GPC6: variants seen among roughly 807,000 people sequenced by gnomAD.
GPC6 encodes the protein glypican 6.
In GPC6, 14 loss-of-function variants were observed where a neutral mutation model predicts 55.2. The ratio of observed to expected loss-of-function variants is 0.25; its 90% CI spans 0.17 to 0.40. The LOEUF (loss-of-function observed/expected upper bound fraction) is 0.40, where lower values mean the gene tolerates loss of function less well. Among genes scored for constraint, GPC6 ranks in the 10% least tolerant of loss-of-function variants. The pLI is 1.00. For missense variants in GPC6, 641 were observed against 708.5 expected (o/e 0.90, Z 1.08); for synonymous variants, 278 against 259.6 (o/e 1.07, Z -0.68).
At chr13:93,641,114 T>A (rs1879915612) in intron 2 of GPC6, among the ~76,000 whole-genome samples, 1 of 151,996 alleles carries the variant, frequency 6.6e-6, no homozygotes, top group Non-Finnish European at 1.5e-5. Context: ...TTATACATAC[T>A]TACACAAAAA....
chr13:93,437,265 T>G (rs1020713472), intron 1 of GPC6, among the ~76,000 whole-genome samples: 9 of 152,176 alleles, frequency 5.9e-5, no homozygotes, highest in African/African-American at 1.9e-4. Flanking sequence ...TACAGTGGCT[T>G]CTCAGTGTTC....
At chr13:93,955,243 GCACA>G (rs10524254) in intron 3 of GPC6, among the ~76,000 whole-genome samples, 12,413 of 136,010 alleles carry the variant, frequency 0.091, 600 homozygotes, top group South Asian at 0.16. Flanking sequence ...GAATGAACAT[GCACA>G]CACACACACA....
At chr13:93,762,710 C>T (rs1252006064) in intron 2 of GPC6, among the ~76,000 whole-genome samples, 1 of 152,176 alleles carries the variant, frequency 6.6e-6, no homozygotes, top group Admixed American at 6.5e-5. Context: ...AATGACCTAA[C>T]CAGCCTTTAT....
intron 1 of GPC6, among the ~76,000 whole-genome samples, chr13:93,413,300 A>T (rs1300633897): frequency 2.6e-5 from 4 of 152,172 alleles, no homozygotes; most frequent in African/African-American, 4.8e-5. Flanking sequence ...GATAGGAGTG[A>T]TTATTGCAGG....
chr13:94,203,725 T>C (rs1889823327), intron 4 of GPC6, among the ~76,000 whole-genome samples: 1 of 152,126 alleles, frequency 6.6e-6, no homozygotes, highest in Admixed American at 6.6e-5. Flanking sequence ...TCTTCTTTAC[T>C]TCGAAAATTC....
chr13:94,090,622 C>T (rs2138810886), intron 4 of GPC6, among the ~76,000 whole-genome samples: 1 of 152,180 alleles, frequency 6.6e-6, no homozygotes, highest in East Asian at 1.9e-4. Context: ...TAAACTTGTA[C>T]AGTTTTAAAA....
chr13:93,675,785 A>G (rs1053368093), intron 2 of GPC6, among the ~76,000 whole-genome samples: 2 of 152,140 alleles, frequency 1.3e-5, no homozygotes, highest in African/African-American at 2.4e-5. Flanking sequence ...AACCAAAACT[A>G]GAGATAGAGT....
chr13:94,037,584 C>G (rs892078155), intron 4 of GPC6, among the ~76,000 whole-genome samples: 3 of 151,888 alleles, frequency 2.0e-5, no homozygotes, highest in African/African-American at 7.2e-5. Context: ...CCTAAAACAA[C>G]CTTATTAAGT....
intron 3 of GPC6, among the ~76,000 whole-genome samples, chr13:93,981,359 A>G (rs1880797479): frequency 6.6e-6 from 1 of 152,222 alleles, no homozygotes; most frequent in Admixed American, 6.5e-5. Context: ...AAATCTATGG[A>G]AAGTTTTAAT....
At chr13:93,624,711 G>A (rs1340038756) in intron 2 of GPC6, among the ~76,000 whole-genome samples, 1 of 152,132 alleles carries the variant, frequency 6.6e-6, no homozygotes, top group Non-Finnish European at 1.5e-5. Flanking sequence ...AGAAAACCAA[G>A]CCAAACCTTG....
intron 2 of GPC6, among the ~76,000 whole-genome samples, chr13:93,750,840 CACCA>C (rs1884551948): frequency 1.3e-5 from 2 of 152,262 alleles, no homozygotes; most frequent in East Asian, 3.9e-4. Flanking sequence ...TCTGAACTAC[CACCA>C]TGGTGATTCC....
At chr13:94,377,913 G>C (rs1322005537) in intron 6 of GPC6, among the ~76,000 whole-genome samples, 2 of 152,228 alleles carry the variant, frequency 1.3e-5, no homozygotes, top group East Asian at 3.9e-4. Context: ...GGATGAAACT[G>C]GAAATCATCA....
At chr13:94,173,146 C>G (rs1370750665) in intron 4 of GPC6, among the ~76,000 whole-genome samples, 1 of 152,158 alleles carries the variant, frequency 6.6e-6, no homozygotes, top group Non-Finnish European at 1.5e-5. Flanking sequence ...TTTCTGCCCC[C>G]ACATTTTTAA....
chr13:93,507,338 G>A (rs866076505), intron 1 of GPC6, among the ~76,000 whole-genome samples: 24 of 152,190 alleles, frequency 1.6e-4, no homozygotes, highest in Middle Eastern at 3.4e-3. Context: ...TTTGGTGACA[G>A]TTTCTTTACT....
chr13:93,686,530 A>G (rs78845822), intron 2 of GPC6, among the ~76,000 whole-genome samples: 165 of 152,208 alleles, frequency 1.1e-3, no homozygotes, highest in African/African-American at 3.7e-3. Context: ...TGTTTTGGTT[A>G]TTGGCATATA....
intron 4 of GPC6, among the ~76,000 whole-genome samples, chr13:94,226,703 A>G (rs1243829293): frequency 6.6e-6 from 1 of 152,192 alleles, no homozygotes; most frequent in Non-Finnish European, 1.5e-5. Flanking sequence ...TCTGGAATGT[A>G]GCCCTTTCTC....
intron 1 of GPC6, among the ~76,000 whole-genome samples, chr13:93,464,045 T>C (rs1358001654): frequency 2.0e-5 from 3 of 152,222 alleles, no homozygotes; most frequent in African/African-American, 7.2e-5. Flanking sequence ...GTTTACACTA[T>C]ACTGTACACT....
Position 93,559,989 on chromosome 13 carries a change from T to A in GPC6, c.319+14568T>A. ...ATCATCTGGGCATCACCTGCACACC[T>A]AAATGGATTTATTGCCAATGAGTAA... On this transcript the variant is annotated intron_variant, in intron 2 of 8. Coordinates refer to ENST00000377047, the MANE Select transcript of GPC6 (RefSeq NM_005708.5). Among the ~76,000 whole-genome samples, 2 of 152,248 alleles carry A rather than the reference T, an allele frequency of 1.3e-5. 1 individual carries two copies. Among genetic ancestry groups the A allele is most frequent in the South Asian group, 4.1e-4 (2 of 4,824 alleles).
intron 1 of GPC6, among the ~76,000 whole-genome samples, chr13:93,289,883 T>A (rs1166096541): frequency 6.6e-6 from 1 of 152,188 alleles, no homozygotes; most frequent in Admixed American, 6.6e-5. Flanking sequence ...CATGAGAGGC[T>A]GATATTGCAT....
Sources: allele counts gnomAD v4.1 joint callset (sites outside exome capture counted in the v4.1 genomes callset), GRCh38; gene constraint gnomAD v4.1.1; transcripts MANE v1.5; gene names NCBI Gene and HGNC (gene_info 2026-07-23, HGNC 2026-07-21).